The following NSUN6 variants were observed in gnomAD, a reference collection of about 807,000 sequenced individuals.
NSUN6 encodes NOP2/Sun RNA methyltransferase 6, also known as tRNA (cytosine(72)-C(5))-methyltransferase NSUN6.
A neutral mutation model predicts 58.0 loss-of-function variants in NSUN6; 64 were observed. The ratio of observed to expected loss-of-function variants is 1.10; its 90% CI spans 0.90 to 1.36. The LOEUF (loss-of-function observed/expected upper bound fraction) is 1.36. NSUN6 is among the 40% of genes most tolerant of loss of function. NSUN6 has a pLI of 0.00. For missense variants in NSUN6, 701 were observed against 550.1 expected, an observed-to-expected ratio of 1.27 and a Z score of -2.74; for synonymous variants, 231 against 193.9, an observed-to-expected ratio of 1.19 and a Z score of -1.59.
intron 3 of NSUN6, among the ~76,000 whole-genome samples, chr10:18,634,340 G>A (rs548400440): frequency 6.6e-6 from 1 of 152,258 alleles, no homozygotes; most frequent in African/African-American, 2.4e-5. Flanking sequence ...CCTATGACTA[G>A]ACAGTATTTT....
chr10:18,568,433 GTCCATTCCAGCTCCATC>G (rs2056123557), intron 8 of NSUN6, among the ~76,000 whole-genome samples: 1 of 123,332 alleles, frequency 8.1e-6, no homozygotes. Context: ...TCATTCCATT[GTCCATTCCAGCTCCATC>G]TCCATTCCAT....
intron 6 of NSUN6, among the ~76,000 whole-genome samples, chr10:18,608,409 G>A (rs2058113750): frequency 6.6e-6 from 1 of 152,162 alleles, no homozygotes. Flanking sequence ...GCCAAAACGG[G>A]AGGATCACTT....
chr10:18,652,379 C>A (rs1590212729), upstream of NSUN6: 88 of 983,762 alleles, frequency 8.9e-5, no homozygotes, highest in Non-Finnish European at 1.0e-4. Flanking sequence ...GTAATTTACA[C>A]ATAAGTATAG....
intron 8 of NSUN6, among the ~76,000 whole-genome samples, chr10:18,554,922 T>A (rs1044022009): frequency 1.4e-5 from 2 of 140,560 alleles, no homozygotes; most frequent in East Asian, 2.3e-4. Context: ...AGAAACGGAA[T>A]GGAATCAAGA....
In NSUN6 at chr10:18,545,761, A is replaced by AC; in HGVS notation, c.*171dup. 3 of 574,602 alleles carry AC rather than the reference A, an allele frequency of 5.2e-6. No individual in the cohort carries two copies. The highest frequency in any genetic ancestry group is 6.0e-6 in the Non-Finnish European group (2 of 334,484). The allele number at this position is 574,602 out of a possible 1,614,324, so 35.6% of individuals were successfully genotyped here. The stretch of plus-strand genomic sequence containing the variant: ...AAAACAGAAAATATAATCTCATACC[A>AC]CCCCCTACTTCCTCTATGTCTCTGG... On this transcript the variant is annotated 3_prime_UTR_variant, in exon 11 of 11. Transcript: ENST00000377304.
At chr10:18,557,824 A>C (rs1196003612) in intron 8 of NSUN6, among the ~76,000 whole-genome samples, 1 of 151,086 alleles carries the variant, frequency 6.6e-6, no homozygotes, top group Non-Finnish European at 1.5e-5. Flanking sequence ...AATGGTATGG[A>C]ATGGAGGATT....
intron 8 of NSUN6, among the ~76,000 whole-genome samples, chr10:18,574,507 G>T (rs2056554240): frequency 6.6e-6 from 1 of 152,098 alleles, no homozygotes; most frequent in African/African-American, 2.4e-5. Context: ...CTCCCTTCCA[G>T]ACTGGATGGC....
chr10:18,638,440 T>TCAAAA (rs1179309304), intron 3 of NSUN6, among the ~76,000 whole-genome samples: 1 of 151,974 alleles, frequency 6.6e-6, no homozygotes, highest in Non-Finnish European at 1.5e-5. Context: ...AGCCTCCATC[T>TCAAAA]CAAAACAAAA....
At chr10:18,552,938 T>C (rs2054702692) in intron 8 of NSUN6, among the ~76,000 whole-genome samples, 1 of 148,836 alleles carries the variant, frequency 6.7e-6, no homozygotes, top group African/African-American at 2.5e-5. Flanking sequence ...TCCATTCCAT[T>C]CTCCACTCAA....
At position 18,642,630 on chromosome 10, in the gene NSUN6, A is replaced by G; in HGVS notation, c.232-75T>C. The G allele has an allele frequency of 4.0e-6, 3 of 744,716 alleles. No homozygotes were observed. The South Asian group carries it at 4.8e-5, about 12-fold the overall frequency. 46.1% of individuals were successfully genotyped at this position (744,716 alleles called of 1,614,324 possible). A position where few individuals can be genotyped will look rare whatever the true frequency, so the allele number is the denominator to read the frequency against. On this transcript the variant is annotated intron_variant, in intron 2 of 10. Transcript: ENST00000377304. Reference sequence around the variant, plus strand: ...TCAACTTATGGAACTTTTCAGTATCATCATCTACCACAGCATGAAGCCCTA... The same window carrying G: ...TCAACTTATGGAACTTTTCAGTATCGTCATCTACCACAGCATGAAGCCCTA...
At chr10:18,630,469 G>A (rs1232359115) in intron 3 of NSUN6, among the ~76,000 whole-genome samples, 5 of 152,066 alleles carry the variant, frequency 3.3e-5, no homozygotes, top group African/African-American at 1.2e-4. Context: ...TCCAGGAGCT[G>A]GTTTTTTGAA....
intron 6 of NSUN6, among the ~76,000 whole-genome samples, chr10:18,598,267 G>A (rs574770649): frequency 1.2e-4 from 19 of 152,250 alleles, no homozygotes; most frequent in Admixed American, 3.3e-4. Context: ...AAGAACTAAT[G>A]ATAATCCCAT....
At chr10:18,631,466 C>G (rs971109989) in intron 3 of NSUN6, among the ~76,000 whole-genome samples, 4 of 131,922 alleles carry the variant, frequency 3.0e-5, no homozygotes, top group African/African-American at 1.1e-4. Flanking sequence ...GTCAAATTGT[C>G]CCTGTTTGCA....
At chr10:18,630,365 A>G (rs1483927995) in intron 3 of NSUN6, among the ~76,000 whole-genome samples, 1 of 151,330 alleles carries the variant, frequency 6.6e-6, no homozygotes, top group Non-Finnish European at 1.5e-5. Context: ...AAGAGCAAAC[A>G]CATTCAAAAG....
chr10:18,607,418 C>T (rs1475519001), intron 6 of NSUN6, among the ~76,000 whole-genome samples: 1 of 152,130 alleles, frequency 6.6e-6, no homozygotes. Context: ...TCACCTGGTT[C>T]TGGTCTGCAT....
intron 8 of NSUN6, among the ~76,000 whole-genome samples, chr10:18,571,745 C>G (rs947363069): frequency 2.6e-5 from 4 of 151,692 alleles, no homozygotes; most frequent in Non-Finnish European, 5.9e-5. Flanking sequence ...CCATTCCATT[C>G]CATTCTGCAT....
At chr10:18,566,203 C>G (rs1488687881) in intron 8 of NSUN6, among the ~76,000 whole-genome samples, 2 of 138,718 alleles carry the variant, frequency 1.4e-5, no homozygotes, top group African/African-American at 5.3e-5. Flanking sequence ...ATTCTTCATT[C>G]TATTCCATTC....
rs1414188275 is a variant in NSUN6 at position 18,556,320 on chromosome 10, G to GAATGGAATAGAGAATGT, written c.923-4350_923-4349insACATTCTCTATTCCATT. ...GCACAGTGGAATGCAATGGAGAATG[G>GAATGGAATAGAGAATGT]AATGGGGAATGTAATGGAATGGGGA... On this transcript the variant is annotated intron_variant, in intron 8 of 10. Coordinates refer to ENST00000377304, the MANE Select transcript of NSUN6 (RefSeq NM_182543.5). 1.1e-4 allele frequency among the ~76,000 whole-genome samples: 16 copies of GAATGGAATAGAGAATGT among 151,864 alleles called. No homozygotes were observed. In the South Asian group the frequency reaches 2.9e-3, roughly 28 times the overall value.
rs557302804 is a variant in NSUN6, at chr10:18,572,394, C to A, written c.922+13555G>T. The stretch of plus-strand genomic sequence containing the variant: ...ATTCCATTCCATTTTCTATTCCATT[C>A]CATTCCAATCCATTGTCCATTCTAT... On this transcript the variant is annotated intron_variant, in intron 8 of 10. Coordinates refer to ENST00000377304, the MANE Select transcript of NSUN6 (RefSeq NM_182543.5). Among the ~76,000 whole-genome samples, 62 of 151,566 alleles carry A rather than the reference C, an allele frequency of 4.1e-4. 2 individuals carry two copies. The highest frequency in any genetic ancestry group is 1.5e-3 in the African/African-American group (62 of 41,372).
Sources: allele counts gnomAD v4.1 joint callset (sites outside exome capture counted in the v4.1 genomes callset), GRCh38; gene constraint gnomAD v4.1.1; transcripts MANE v1.5; gene names NCBI Gene and HGNC (gene_info 2026-07-23, HGNC 2026-07-21).